GRM5: variants seen among roughly 807,000 people sequenced by gnomAD.
The protein encoded by GRM5 is glutamate metabotropic receptor 5.
In GRM5, 19 loss-of-function variants were observed where a neutral mutation model predicts 83.1. That is an observed-to-expected ratio of 0.23 (90% CI 0.16 to 0.34). The LOEUF is 0.34. Among genes scored for constraint, GRM5 ranks in the 10% least tolerant of loss-of-function variants. GRM5 has a pLI of 1.00. For synonymous variants in GRM5, 675 were observed against 633.6 expected (o/e 1.07, Z -0.98); for missense variants, 1,160 against 1,588.3 (o/e 0.73, Z 4.58).
At chr11:88,776,135 G>A (rs1198024708) in intron 3 of GRM5, among the ~76,000 whole-genome samples, 1 of 152,118 alleles carries the variant, frequency 6.6e-6, no homozygotes. Context: ...TGTATTGGGT[G>A]CATATATATT....
Position 88,590,589 on chromosome 11 carries a change from GT to G in GRM5, c.1690+11del. 1 of 1,609,444 alleles carries G rather than the reference GT, an allele frequency of 6.2e-7. No homozygotes were observed. On this transcript the variant is annotated intron_variant, in intron 7 of 9. Transcript: ENST00000305447. ...CAGTTAATTTATATGTGGTGAGATT[GT>G]GATAGATTACCTGTGAGATCATCAG... is the stretch of plus-strand genomic sequence containing the variant.
chr11:88,892,095 C>T (rs1945154684), intron 2 of GRM5, among the ~76,000 whole-genome samples: 1 of 151,314 alleles, frequency 6.6e-6, no homozygotes, highest in South Asian at 2.1e-4. Context: ...AATTTGGAAA[C>T]CATCTGTGAG....
At chr11:88,828,088 G>A (rs1388632613) in intron 3 of GRM5, among the ~76,000 whole-genome samples, 2 of 152,170 alleles carry the variant, frequency 1.3e-5, no homozygotes, top group African/African-American at 4.8e-5. Context: ...AAGTGCAAAA[G>A]CCCTGAGGTG....
At chr11:88,710,798 C>T (rs569797715) in intron 3 of GRM5, among the ~76,000 whole-genome samples, 2 of 151,816 alleles carry the variant, frequency 1.3e-5, no homozygotes, top group East Asian at 1.9e-4. Context: ...AAACAGGATA[C>T]GTAAAATCTC....
rs188835123 is a variant in GRM5 at position 89,018,249 on chromosome 11, C to G, written c.661+28963G>C. On this transcript the variant is annotated intron_variant, in intron 2 of 9. Coordinates refer to ENST00000305447, the MANE Select transcript of GRM5 (RefSeq NM_001143831.3). ...ATAGGCCAAATAGTTGTGCTTAACACCAAGGAGTATCTGTGTACCAAATCC... is the reference window on the plus strand; with the variant it reads ...ATAGGCCAAATAGTTGTGCTTAACAGCAAGGAGTATCTGTGTACCAAATCC... Among the ~76,000 whole-genome samples, 14 of 152,194 alleles carry G rather than the reference C, an allele frequency of 9.2e-5. No homozygotes were observed. In the East Asian group the frequency reaches 1.5e-3, roughly 17 times the overall value.
chr11:88,591,899 A>G (rs1384919317), intron 6 of GRM5, among the ~76,000 whole-genome samples: 1 of 152,218 alleles, frequency 6.6e-6, no homozygotes, highest in Non-Finnish European at 1.5e-5. Flanking sequence ...CTTGTCACAT[A>G]CTGTTATCCC....
chr11:88,804,596 T>G (rs892999093), intron 3 of GRM5, among the ~76,000 whole-genome samples: 2 of 151,532 alleles, frequency 1.3e-5, no homozygotes, highest in Admixed American at 1.3e-4. Flanking sequence ...AAATGACGAG[T>G]TAATGGGTGC....
intron 2 of GRM5, among the ~76,000 whole-genome samples, chr11:89,008,454 T>C (rs1405997308): frequency 6.6e-6 from 1 of 152,144 alleles, no homozygotes; most frequent in Non-Finnish European, 1.5e-5. Context: ...TCTGTATTTA[T>C]GCATCTAAAA....
At chr11:88,911,185 T>A (rs762550423) in intron 2 of GRM5, among the ~76,000 whole-genome samples, 2 of 152,098 alleles carry the variant, frequency 1.3e-5, no homozygotes, top group Non-Finnish European at 2.9e-5. Context: ...AAAAAGGGAC[T>A]AGTCCCCACT....
intron 2 of GRM5, among the ~76,000 whole-genome samples, chr11:88,851,382 C>T (rs1358171419): frequency 4.6e-5 from 7 of 152,110 alleles, no homozygotes; most frequent in African/African-American, 1.7e-4. Flanking sequence ...GAACTGGAAT[C>T]TCATCAGGAG....
In GRM5 at chr11:88,892,251, T is replaced by A. The variant is rs535937232; in HGVS notation, c.662-42096A>T. Among the ~76,000 whole-genome samples the A allele has an allele frequency of 9.9e-5, 15 of 151,380 alleles. No individual in the cohort carries two copies. In the South Asian group the frequency reaches 3.1e-3, roughly 32 times the overall value. ...AGTGTATGCTTCCCCCTTTAAAGAGTCAATCTCAGCTTGCAGAGCTGATAA... is the reference window on the plus strand; with the variant it reads ...AGTGTATGCTTCCCCCTTTAAAGAGACAATCTCAGCTTGCAGAGCTGATAA... On this transcript the variant is annotated intron_variant, in intron 2 of 9. Coordinates refer to ENST00000305447, the MANE Select transcript of GRM5 (RefSeq NM_001143831.3).
intron 1 of GRM5, among the ~76,000 whole-genome samples, chr11:89,065,020 T>A (rs1942071901): frequency 6.6e-6 from 1 of 150,536 alleles, no homozygotes; most frequent in African/African-American, 2.4e-5. Context: ...ACTGGGAGTA[T>A]ATGAACTTGA....
At chr11:88,532,870 T>G (rs1942045737) in intron 8 of GRM5, among the ~76,000 whole-genome samples, 1 of 152,218 alleles carries the variant, frequency 6.6e-6, no homozygotes, top group Admixed American at 6.5e-5. Flanking sequence ...GACTTTTTTG[T>G]AATCAGTCAG....
intron 2 of GRM5, among the ~76,000 whole-genome samples, chr11:88,992,338 A>G (rs1380582916): frequency 6.6e-6 from 1 of 151,888 alleles, no homozygotes; most frequent in Non-Finnish European, 1.5e-5. Context: ...TACCAGTTAG[A>G]ATGGTGATCA....
chr11:88,990,957 CAG>C (rs1329692789), intron 2 of GRM5, among the ~76,000 whole-genome samples: 4 of 152,036 alleles, frequency 2.6e-5, no homozygotes, highest in African/African-American at 9.7e-5. Context: ...TGGCACAAGA[CAG>C]AGATGCCCTC....
intron 5 of GRM5, among the ~76,000 whole-genome samples, chr11:88,602,716 ACT>A (rs893890270): frequency 6.6e-6 from 1 of 152,162 alleles, no homozygotes; most frequent in African/African-American, 2.4e-5. Context: ...TAAAATTTTG[ACT>A]CTATCATTTA....
chr11:88,655,962 T>G (rs1262258066), intron 3 of GRM5, among the ~76,000 whole-genome samples: 1 of 152,170 alleles, frequency 6.6e-6, no homozygotes, highest in Non-Finnish European at 1.5e-5. Context: ...TGTATTGACT[T>G]TAGCTTATTA....
intron 3 of GRM5, among the ~76,000 whole-genome samples, chr11:88,781,950 C>A (rs141311214): frequency 2.9e-4 from 44 of 152,190 alleles, no homozygotes; most frequent in African/African-American, 9.4e-4. Context: ...CACTTGATTT[C>A]CAAGCATTCC....
intron 4 of GRM5, among the ~76,000 whole-genome samples, chr11:88,630,798 G>A (rs920459307): frequency 1.3e-5 from 2 of 152,066 alleles, no homozygotes; most frequent in African/African-American, 2.4e-5. Flanking sequence ...GGCTGGTCTC[G>A]AACTCGTGAC....
Sources: gnomAD v4.1 joint callset for allele counts (sites outside exome capture counted in the v4.1 genomes callset) on GRCh38, gnomAD v4.1.1 for gene constraint, MANE v1.5 for transcripts, NCBI Gene and HGNC (gene_info 2026-07-23, HGNC 2026-07-21) for gene names.